The following ARFGEF3 variants were observed in gnomAD, a reference collection of about 807,000 sequenced individuals.
ARFGEF3 encodes brefeldin A-inhibited guanine nucleotide-exchange protein 3.
Under a neutral mutation model 221.7 loss-of-function variants are expected in ARFGEF3, and 96 were observed. The observed-to-expected ratio is 0.43, with a 90% CI of 0.37 to 0.51. The LOEUF (loss-of-function observed/expected upper bound fraction) is 0.51. Among genes scored for constraint, ARFGEF3 ranks in the 20% least tolerant of loss-of-function variants. ARFGEF3 has a pLI of 0.00. For missense variants in ARFGEF3, 2,410 were observed against 2,789.9 expected, an observed-to-expected ratio of 0.86 and a Z score of 3.07; for synonymous variants, 1,145 against 1,126.8, an observed-to-expected ratio of 1.02 and a Z score of -0.32.
chr6:138,256,861 T>C (rs578075352), intron 10 of ARFGEF3, among the ~76,000 whole-genome samples: 82 of 152,124 alleles, frequency 5.4e-4, no homozygotes, highest in Non-Finnish European at 1.1e-3. Flanking sequence ...CATGGCTCAA[T>C]GCAGCATGGA....
intron 6 of ARFGEF3, among the ~76,000 whole-genome samples, chr6:138,241,156 G>A (rs1017204125): frequency 2.0e-5 from 3 of 152,124 alleles, no homozygotes; most frequent in Non-Finnish European, 2.9e-5. Flanking sequence ...CTGGCCTCCC[G>A]TAAACAAGGA....
intron 31 of ARFGEF3, among the ~76,000 whole-genome samples, chr6:138,324,498 A>G (rs1780094117): frequency 6.6e-6 from 1 of 152,246 alleles, no homozygotes; most frequent in African/African-American, 2.4e-5. Flanking sequence ...AGTGCCTAAC[A>G]ATGGCAAACT....
chr6:138,316,796 G>C (rs773545300), intron 26 of ARFGEF3, among the ~76,000 whole-genome samples: 4 of 152,232 alleles, frequency 2.6e-5, no homozygotes, highest in Non-Finnish European at 5.9e-5. Flanking sequence ...AAACAGTAGT[G>C]ATAGTCGCAC....
At chr6:138,218,550 A>G (rs959452400) in intron 4 of ARFGEF3, 2 of 1,276,520 alleles carry the variant, frequency 1.6e-6, no homozygotes, top group African/African-American at 3.0e-5. Flanking sequence ...AGCTGAGCCA[A>G]TGTTTCTGTT....
At chr6:138,322,001 G>T (rs1429457785) in intron 29 of ARFGEF3, among the ~76,000 whole-genome samples, 1 of 152,164 alleles carries the variant, frequency 6.6e-6, no homozygotes, top group Non-Finnish European at 1.5e-5. Flanking sequence ...CTTGCTCAGG[G>T]CCACAGGGTA....
At chr6:138,170,536 G>A (rs78170431) in intron 1 of ARFGEF3, 126 bp from the exon 2 acceptor site, 10,936 of 609,208 alleles carry the variant, frequency 0.018, 156 homozygotes, top group African/African-American at 0.055. Context: ...CATGCAGATA[G>A]TTGAGAATTG....
rs9494985 is a variant in ARFGEF3, at chr6:138,263,127, G to A, written c.1644G>A (p.Leu548=). ...CCATCCCAGAGGGTAAGGAGACGCT[G>A]AGCAAAGTATTGGAAACAGAGGCGG... is the stretch of plus-strand genomic sequence containing the variant. ...SPAIPEGKET[L]SKVLETEAVD... The change falls in exon 12 of 34, where the codon CTG becomes CTA. Residue 548 remains leucine, a synonymous_variant. Coordinates refer to ENST00000251691, the MANE Select transcript of ARFGEF3 (RefSeq NM_020340.5). 9,684 of 1,613,942 alleles carry A rather than the reference G, an allele frequency of 6.0e-3. 450 individuals are homozygous for A. The African/African-American group carries it at 0.11, about 18-fold the overall frequency.
chr6:138,214,047 T>G (rs1005449473), intron 4 of ARFGEF3, among the ~76,000 whole-genome samples: 3 of 152,194 alleles, frequency 2.0e-5, no homozygotes, highest in African/African-American at 4.8e-5. Flanking sequence ...TTATCCCTCT[T>G]CTCTCTGAAT....
chr6:138,266,687 A>C (rs1778899518), intron 12 of ARFGEF3, among the ~76,000 whole-genome samples: 1 of 151,860 alleles, frequency 6.6e-6, no homozygotes, highest in African/African-American at 2.4e-5. Context: ...GTCTCTACTA[A>C]AAATACAAAA....
rs1396141679 is a variant in ARFGEF3 at position 138,299,805 on chromosome 6, A to G, written c.3828+1020A>G. 2.0e-5 allele frequency among the ~76,000 whole-genome samples: 3 copies of G among 152,260 alleles called. 1 individual carries two copies. The East Asian group carries it at 5.8e-4, about 29-fold the overall frequency. Reference sequence around the variant, plus strand: ...GAATTAAAACAAACTTCCTGAGGATACTATCAGCTTGTTTCTAACATTGGC... The same window carrying G: ...GAATTAAAACAAACTTCCTGAGGATGCTATCAGCTTGTTTCTAACATTGGC... On this transcript the variant is annotated intron_variant, in intron 22 of 33. Coordinates refer to ENST00000251691, the MANE Select transcript of ARFGEF3 (RefSeq NM_020340.5).
chr6:138,217,342 C>T (rs968046231), intron 4 of ARFGEF3: 1 of 152,198 alleles, frequency 6.6e-6, no homozygotes, highest in Admixed American at 6.5e-5. Context: ...ATCATTTATT[C>T]AGCAAATATT....
intron 6 of ARFGEF3, among the ~76,000 whole-genome samples, chr6:138,241,113 C>T (rs1778387995): frequency 6.6e-6 from 1 of 152,216 alleles, no homozygotes; most frequent in Non-Finnish European, 1.5e-5. Context: ...ATCCAAATGA[C>T]TGCCCCCACA....
At chr6:138,200,576 A>G (rs1026634106) in intron 2 of ARFGEF3, among the ~76,000 whole-genome samples, 3 of 152,106 alleles carry the variant, frequency 2.0e-5, no homozygotes, top group African/African-American at 4.8e-5. Context: ...AAGTGGGGAA[A>G]GGACACCCTT....
At position 138,298,615 on chromosome 6, in the gene ARFGEF3, C is replaced by T. The variant is rs1383789601; in HGVS notation, c.3658C>T (p.His1220Tyr). Residue 1220 changes from histidine to tyrosine, a missense_variant, in exon 22 of 34, where the codon CAT (histidine) becomes TAT (tyrosine). This residue lies in a region of ARFGEF3 where 723 missense variants were observed against 991.9 expected (regional missense o/e 0.73). Transcript: ENST00000251691. ...CTCGTGAATTTTGCAGGCTGCTTGCCATAAGGAAAGACATGTGTCTCAGAA... is the reference window on the plus strand; with the variant it reads ...CTCGTGAATTTTGCAGGCTGCTTGCTATAAGGAAAGACATGTGTCTCAGAA... ...VAPHLVEAAC[H>Y]KERHVSQKAV... is the part of the protein sequence containing the mutation. 2.5e-6 allele frequency: 4 copies of T among 1,612,022 alleles called. No individual in the cohort carries two copies. Among genetic ancestry groups the T allele is most frequent in the Admixed American group, 3.3e-5 (2 of 59,820 alleles).
intron 5 of ARFGEF3, among the ~76,000 whole-genome samples, chr6:138,231,220 A>G (rs1054779994): frequency 6.6e-6 from 1 of 152,178 alleles, no homozygotes; most frequent in African/African-American, 2.4e-5. Context: ...GTTCACTGAG[A>G]GTATCTGGAA....
At chr6:138,223,448 A>G (rs1016966128) in intron 4 of ARFGEF3, among the ~76,000 whole-genome samples, 11 of 152,226 alleles carry the variant, frequency 7.2e-5, no homozygotes, top group African/African-American at 2.7e-4. Context: ...AGAAAAATGC[A>G]AGGCCTTCTG....
chr6:138,170,236 ATGT>A (rs148001512), intron 1 of ARFGEF3, among the ~76,000 whole-genome samples: 4,118 of 152,234 alleles, frequency 0.027, 80 homozygotes, highest in African/African-American at 0.055. Context: ...GAATAATAAG[ATGT>A]TGTGTAAGTG....
chr6:138,221,223 G>A (rs527309573), intron 4 of ARFGEF3, among the ~76,000 whole-genome samples: 2 of 152,246 alleles, frequency 1.3e-5, no homozygotes, highest in East Asian at 3.9e-4. Context: ...CAAGTGTTTT[G>A]GGGGTTTGGT....
chr6:138,162,319 T>C lies in ARFGEF3; in HGVS notation c.85+148T>C, dbSNP rs920948799. On this transcript the variant is annotated intron_variant, in intron 1 of 33. Transcript: ENST00000251691. This position sits in a 1 kb window ranked among gnomAD's most constrained non-coding sequence, Gnocchi z 4.7. ...GTCGCCTCGGGAAATTGATGTGGGATTTGAGAGTCTTGGCTCGGGCGTGGA... is the reference window on the plus strand; with the variant it reads ...GTCGCCTCGGGAAATTGATGTGGGACTTGAGAGTCTTGGCTCGGGCGTGGA... The C allele has an allele frequency of 1.1e-5, 6 of 549,838 alleles. No homozygotes were observed. The highest frequency in any genetic ancestry group is 3.7e-5 in the Admixed American group (1 of 27,302). The allele number at this position is 549,838 out of a possible 1,614,324, so 34.1% of individuals were successfully genotyped here. A position where few individuals can be genotyped will look rare whatever the true frequency, so the allele number is the denominator to read the frequency against.
Sources: gnomAD v4.1 joint callset for allele counts (sites outside exome capture counted in the v4.1 genomes callset) on GRCh38, gnomAD v4.1.1 for gene constraint, gnomAD v4.1.1 regional missense constraint, Gnocchi (gnomAD v3.1) non-coding constraint, MANE v1.5 for transcripts, NCBI Gene and HGNC (gene_info 2026-07-23, HGNC 2026-07-21) for gene names.